PDZRN3: variants seen among roughly 807,000 people sequenced by gnomAD.
The protein encoded by PDZRN3 is PDZ domain containing ring finger 3, also known as E3 ubiquitin-protein ligase PDZRN3.
A neutral mutation model predicts 85.7 loss-of-function variants in PDZRN3; 38 were observed. The ratio of observed to expected loss-of-function variants is 0.44; its 90% CI spans 0.34 to 0.58. The LOEUF is 0.58. Among genes scored for constraint, PDZRN3 ranks in the 20% least tolerant of loss-of-function variants. PDZRN3 has a pLI of 0.01. For missense variants in PDZRN3, 1,629 were observed against 1,506.4 expected, an observed-to-expected ratio of 1.08 and a Z score of -1.35; for synonymous variants, 759 against 638.0, an observed-to-expected ratio of 1.19 and a Z score of -2.86.
At chr3:73,398,065 T>G (rs192074474) in intron 5 of PDZRN3, among the ~76,000 whole-genome samples, 7 of 152,078 alleles carry the variant, frequency 4.6e-5, no homozygotes, top group African/African-American at 1.7e-4. Flanking sequence ...GAATTGAAAA[T>G]AAACACGAAT....
intron 3 of PDZRN3, among the ~76,000 whole-genome samples, chr3:73,442,969 ACCTC>A (rs1559682221): frequency 2.0e-5 from 3 of 151,628 alleles, no homozygotes; most frequent in African/African-American, 7.3e-5. Flanking sequence ...ACTGCAGCCT[ACCTC>A]CCTCCCTCCC....
chr3:73,501,489 G>A (rs1253078368), intron 3 of PDZRN3, among the ~76,000 whole-genome samples: 1 of 152,136 alleles, frequency 6.6e-6, no homozygotes, highest in African/African-American at 2.4e-5. Flanking sequence ...GACTGCAGAC[G>A]ACTCCTAACG....
intron 3 of PDZRN3, among the ~76,000 whole-genome samples, chr3:73,513,165 C>T (rs775035165): frequency 1.3e-5 from 2 of 152,162 alleles, no homozygotes; most frequent in Non-Finnish European, 2.9e-5. Flanking sequence ...GCAACCCAGG[C>T]TTCCCAAGAG....
chr3:73,610,285 C>A (rs1263179848), intron 1 of PDZRN3, among the ~76,000 whole-genome samples: 1 of 152,166 alleles, frequency 6.6e-6, no homozygotes, highest in East Asian at 1.9e-4. Flanking sequence ...AGAAGCTAGT[C>A]TCTATCAAGT....
chr3:73,467,323 A>G (rs1366555291), intron 3 of PDZRN3, among the ~76,000 whole-genome samples: 1 of 152,222 alleles, frequency 6.6e-6, no homozygotes, highest in African/African-American at 2.4e-5. Context: ...AAGCAGCAGG[A>G]TGGCAAAGCC....
intron 3 of PDZRN3, among the ~76,000 whole-genome samples, chr3:73,563,201 G>A (rs1400690439): frequency 6.7e-6 from 1 of 149,342 alleles, no homozygotes; most frequent in Non-Finnish European, 1.5e-5. Flanking sequence ...TTTTGTTGTT[G>A]TTGTTTTGTG....
At chr3:73,497,669 C>T (rs770796965) in intron 3 of PDZRN3, among the ~76,000 whole-genome samples, 1 of 152,188 alleles carries the variant, frequency 6.6e-6, no homozygotes, top group Non-Finnish European at 1.5e-5. Context: ...CAGTTATCAA[C>T]GTGTTAATCT....
intron 3 of PDZRN3, among the ~76,000 whole-genome samples, chr3:73,518,441 A>G (rs1704292473): frequency 6.6e-6 from 1 of 152,214 alleles, no homozygotes; most frequent in South Asian, 2.1e-4. Flanking sequence ...AGGTTGTACA[A>G]TAACATGAAT....
chr3:73,591,081 T>C (rs1461775828), intron 3 of PDZRN3, among the ~76,000 whole-genome samples: 2 of 152,234 alleles, frequency 1.3e-5, no homozygotes, highest in African/African-American at 4.8e-5. Flanking sequence ...TGTCTTATTG[T>C]ATTTTTCAAT....
At chr3:73,455,767 T>A (rs534391189) in intron 3 of PDZRN3, among the ~76,000 whole-genome samples, 2 of 152,352 alleles carry the variant, frequency 1.3e-5, no homozygotes, top group Admixed American at 1.3e-4. Context: ...TTTAGGTTTT[T>A]CAAATACAGA....
At chr3:73,595,958 C>G (rs925651964) in intron 3 of PDZRN3, among the ~76,000 whole-genome samples, 16 of 152,042 alleles carry the variant, frequency 1.1e-4, no homozygotes, top group Non-Finnish European at 2.1e-4. Flanking sequence ...TAATGAGCAC[C>G]CTAGCACCCA....
chr3:73,440,038 T>G (rs1702603003), intron 3 of PDZRN3, among the ~76,000 whole-genome samples: 1 of 145,950 alleles, frequency 6.9e-6, no homozygotes, highest in African/African-American at 2.8e-5. Context: ...GCGCCCAGAC[T>G]CTTATTTTTT....
In PDZRN3 at chr3:73,384,518, T is replaced by C; in HGVS notation, c.2048A>G (p.Lys683Arg). ...AGKSDPESVD[K>R]ELELLNEELR... Reference sequence around the variant, plus strand: ...CTCTTCGTTCAGCAGCTCCAGCTCCTTGTCCACGCTCTCAGGGTCACTCTT... The same window carrying C: ...CTCTTCGTTCAGCAGCTCCAGCTCCCTGTCCACGCTCTCAGGGTCACTCTT... The change falls in exon 10 of 10, where the codon AAG (lysine) becomes AGG (arginine). Residue 683 changes from lysine (K) to arginine (R), a missense_variant. Transcript: ENST00000263666. The C allele has an allele frequency of 6.2e-7, 1 of 1,613,768 alleles. No homozygotes were observed. The highest frequency in any genetic ancestry group is 1.1e-5 in the South Asian group (1 of 91,084).
Position 73,383,649 on chromosome 3 carries a change from A to C in PDZRN3, c.2917T>G (p.Trp973Gly). ...TGCTGCTTCCTCTCCTCCTTGCTCC[A>C]GTAGCGCCCCATCTTCATCTCGCTC... ...AVSEMKMGRY[W>G]SKEERKQHLV... Residue 973 changes from tryptophan to glycine, a missense_variant, in exon 10 of 10, where the codon TGG becomes GGG. Trp to Gly is a radical substitution (Grantham distance 184). Transcript: ENST00000263666. The C allele has an allele frequency of 6.2e-7, 1 of 1,613,018 alleles. No individual in the cohort carries two copies. Among genetic ancestry groups the C allele is most frequent in the Admixed American group, 1.7e-5 (1 of 59,998 alleles).
intron 3 of PDZRN3, among the ~76,000 whole-genome samples, chr3:73,427,451 C>A (rs1484547987): frequency 6.6e-6 from 1 of 152,110 alleles, no homozygotes. Context: ...CACCACCGCC[C>A]ACATTTAACC....
chr3:73,600,654 C>A (rs1335260303), intron 3 of PDZRN3, among the ~76,000 whole-genome samples: 2 of 152,082 alleles, frequency 1.3e-5, no homozygotes, highest in African/African-American at 2.4e-5. Context: ...TCATCCTTTG[C>A]CAAGAGAAAA....
At chr3:73,508,515 G>A (rs1004482817) in intron 3 of PDZRN3, among the ~76,000 whole-genome samples, 4 of 152,148 alleles carry the variant, frequency 2.6e-5, no homozygotes, top group South Asian at 4.1e-4. Flanking sequence ...GGGACCTGCC[G>A]TGCAGCTCCT....
intron 3 of PDZRN3, among the ~76,000 whole-genome samples, chr3:73,574,010 C>T (rs2106855771): frequency 6.6e-6 from 1 of 152,280 alleles, no homozygotes; most frequent in Middle Eastern, 3.4e-3. Context: ...GAAAAGCATG[C>T]AGCTAGCTTC....
intron 3 of PDZRN3, among the ~76,000 whole-genome samples, chr3:73,405,861 T>G (rs750396160): frequency 6.6e-6 from 1 of 152,218 alleles, no homozygotes; most frequent in Non-Finnish European, 1.5e-5. Context: ...AGGCAGAACA[T>G]AAGTATTGGT....
Sources: gnomAD v4.1 joint callset for allele counts (sites outside exome capture counted in the v4.1 genomes callset) on GRCh38, gnomAD v4.1.1 for gene constraint, MANE v1.5 for transcripts, NCBI Gene and HGNC (gene_info 2026-07-23, HGNC 2026-07-21) for gene names.